Variants in GAS7 observed in about 807,000 individuals in gnomAD.
GAS7 encodes the protein growth arrest-specific protein 7.
In GAS7, 28 loss-of-function variants were observed where a neutral mutation model predicts 71.1. The ratio of observed to expected loss-of-function variants is 0.39; its 90% confidence interval spans 0.29 to 0.54. The LOEUF is 0.54. Among genes scored for constraint, GAS7 ranks in the 20% least tolerant of loss-of-function variants. The pLI is 0.62. For synonymous variants in GAS7, 258 were observed against 245.8 expected, an observed-to-expected ratio of 1.05 and a Z score of -0.46; for missense variants, 436 against 627.8, an observed-to-expected ratio of 0.69 and a Z score of 3.27.
At chr17:10,071,943 A>AT (rs916356333) in intron 1 of GAS7, among the ~76,000 whole-genome samples, 2 of 149,092 alleles carry the variant, frequency 1.3e-5, no homozygotes, top group Non-Finnish European at 3.0e-5. Context: ...TCTCAAGAAA[A>AT]AAAAAAAAAA....
chr17:10,023,887 G>A (rs1006623781), intron 1 of GAS7, among the ~76,000 whole-genome samples: 4 of 152,176 alleles, frequency 2.6e-5, no homozygotes, highest in Non-Finnish European at 5.9e-5. Context: ...ACTTTGGGAG[G>A]CCAAGGTGGG....
Position 9,915,787 on chromosome 17 carries a change from A to C in GAS7, c.*1441T>G, listed in dbSNP as rs2067567132. The C allele has an allele frequency of 4.3e-6, 1 of 231,398 alleles. No homozygotes were observed. The allele number at this position is 231,398 out of a possible 1,614,324, so 14.3% of individuals were successfully genotyped here. The stretch of plus-strand genomic sequence containing the variant: ...TGGATTTCCAGGGCATGGGCTCCCG[A>C]CTAGAATCTGCCCCTCGCTCATGCT... On this transcript the variant is annotated 3_prime_UTR_variant, in exon 14 of 14. Coordinates refer to ENST00000432992, the MANE Select transcript of GAS7 (RefSeq NM_201433.2).
chr17:9,940,473 C>T (rs1276318579), intron 7 of GAS7, among the ~76,000 whole-genome samples: 2 of 152,192 alleles, frequency 1.3e-5, no homozygotes, highest in East Asian at 1.9e-4. Context: ...CGAGAGCTGT[C>T]GTTTACACAG....
intron 1 of GAS7, among the ~76,000 whole-genome samples, chr17:10,135,239 T>A (rs1351695109): frequency 6.6e-6 from 1 of 152,220 alleles, no homozygotes; most frequent in Non-Finnish European, 1.5e-5. Context: ...AAAGAGGCAG[T>A]AATCCCCAGG....
rs908545521 is a variant in GAS7 at position 10,032,684 on chromosome 17, A to C, written c.184-12787T>G. Among the ~76,000 whole-genome samples, 25 of 152,364 alleles carry C rather than the reference A, an allele frequency of 1.6e-4. No individual in the cohort carries two copies. The Middle Eastern group carries it at 0.01, about 62-fold the overall frequency. On this transcript the variant is annotated intron_variant, in intron 1 of 13. Coordinates refer to ENST00000432992, the MANE Select transcript of GAS7 (RefSeq NM_201433.2). Reference sequence around the variant, plus strand: ...TTCCAAAAACAGCAGCCACATAAACAAAAGAGACGACAGAGGCCTGACAAG... The same window carrying C: ...TTCCAAAAACAGCAGCCACATAAACCAAAGAGACGACAGAGGCCTGACAAG...
At chr17:10,147,396 T>C (rs1448916641) in intron 1 of GAS7, among the ~76,000 whole-genome samples, 3 of 152,204 alleles carry the variant, frequency 2.0e-5, no homozygotes, top group Non-Finnish European at 2.9e-5. Flanking sequence ...ACTGCCTCTC[T>C]GAAATTTACA....
chr17:10,146,593 C>T (rs1433956716), intron 1 of GAS7, among the ~76,000 whole-genome samples: 1 of 152,136 alleles, frequency 6.6e-6, no homozygotes, highest in East Asian at 1.9e-4. Flanking sequence ...GGTTTAAACA[C>T]TCCCTCCAGG....
chr17:9,958,535 G>A (rs1056212447), intron 5 of GAS7, among the ~76,000 whole-genome samples: 2 of 152,028 alleles, frequency 1.3e-5, no homozygotes, highest in African/African-American at 2.4e-5. Flanking sequence ...GCAAACCTGC[G>A]ACCACACTTC....
intron 1 of GAS7, among the ~76,000 whole-genome samples, chr17:10,068,810 A>T (rs1229075271): frequency 1.3e-5 from 2 of 151,968 alleles, no homozygotes; most frequent in African/African-American, 2.4e-5. Flanking sequence ...TACAAAGCAA[A>T]ATCAGTGAAG....
At chr17:10,179,792 G>T (rs941329234) in intron 1 of GAS7, among the ~76,000 whole-genome samples, 10 of 152,090 alleles carry the variant, frequency 6.6e-5, no homozygotes, top group African/African-American at 2.4e-4. Context: ...AGAAAGACAA[G>T]GTCCCCACCC....
At chr17:9,938,470 C>CAAAAAA (rs34813185) in intron 8 of GAS7, among the ~76,000 whole-genome samples, 4 of 65,184 alleles carry the variant, frequency 6.1e-5, no homozygotes, top group Non-Finnish European at 8.5e-5. Flanking sequence ...GACTCTGTCT[C>CAAAAAA]AAAAAAAAAA....
chr17:9,992,298 A>G (rs1021875904), intron 2 of GAS7, among the ~76,000 whole-genome samples: 1 of 151,782 alleles, frequency 6.6e-6, no homozygotes, highest in Admixed American at 6.6e-5. Flanking sequence ...CGGCTTTGAC[A>G]TGGGTCTTTG....
intron 4 of GAS7, among the ~76,000 whole-genome samples, chr17:9,966,233 C>T (rs2069708880): frequency 6.6e-6 from 1 of 151,858 alleles, no homozygotes; most frequent in Non-Finnish European, 1.5e-5. Context: ...CTCCTGACCT[C>T]CTGATCTGCC....
chr17:9,984,980 G>T (rs2070586403), intron 2 of GAS7, among the ~76,000 whole-genome samples: 1 of 149,768 alleles, frequency 6.7e-6, no homozygotes, highest in Non-Finnish European at 1.5e-5. Flanking sequence ...CATCCACAGA[G>T]TCAAGACCGG....
In GAS7 at chr17:10,135,039, G is replaced by A. The variant is rs1006982720; in HGVS notation, c.183+63169C>T. On this transcript the variant is annotated intron_variant, in intron 1 of 13. Transcript: ENST00000432992. ...GTAGAGACGGGGTTTCACCATGTTGGCCAGGATGGTCTTGATGTCTTGACT... is the reference window on the plus strand; with the variant it reads ...GTAGAGACGGGGTTTCACCATGTTGACCAGGATGGTCTTGATGTCTTGACT... 4.6e-5 allele frequency among the ~76,000 whole-genome samples: 7 copies of A among 152,112 alleles called. No homozygotes were observed. The South Asian group carries it at 1.5e-3, about 32-fold the overall frequency.
At position 9,925,567 on chromosome 17, in the gene GAS7, G is replaced by T. The variant is rs1270710539; in HGVS notation, c.1047C>A (p.Asp349Glu). ...CCAGCTGCTGGGTCTTCATCTCCAGGTCTCTCTGCCGCTCTGTGAGGGCTT... is the reference window on the plus strand; with the variant it reads ...CCAGCTGCTGGGTCTTCATCTCCAGTTCTCTCTGCCGCTCTGTGAGGGCTT... Reference protein sequence around the residue: ...ARKALTERQRDLEMKTQQLEI... With the variant: ...ARKALTERQRELEMKTQQLEI... Residue 349 changes from aspartate to glutamate, a missense_variant, in exon 11 of 14, where the codon GAC becomes GAA. Transcript: ENST00000432992. The T allele has an allele frequency of 1.2e-6, 2 of 1,614,114 alleles. No homozygotes were observed. The highest frequency in any genetic ancestry group is 1.7e-6 in the Non-Finnish European group (2 of 1,179,994).
intron 1 of GAS7, among the ~76,000 whole-genome samples, chr17:10,076,444 C>G (rs9908472): frequency 0.079 from 5,646 of 71,676 alleles, 476 homozygotes; most frequent in African/African-American, 0.26. Context: ...GAGGGGGAGT[C>G]GGGGGAGGGA....
intron 1 of GAS7, among the ~76,000 whole-genome samples, chr17:10,138,934 GA>G (rs933852275): frequency 5.9e-5 from 9 of 151,962 alleles, no homozygotes; most frequent in African/African-American, 1.7e-4. Context: ...TTTCAAAAAT[GA>G]AAAAAATATA....
chr17:9,973,531 G>A lies in GAS7; in HGVS notation c.386-3769C>T, dbSNP rs553770001. ...AGCCTCCCAAAGTGCTGGGATTACC[G>A]GCATGAGCCACCGTGCTGTACTTAT... On this transcript the variant is annotated intron_variant, in intron 3 of 13. Transcript: ENST00000432992. Among the ~76,000 whole-genome samples, 17 of 152,312 alleles carry A rather than the reference G, an allele frequency of 1.1e-4. No individual in the cohort carries two copies. The East Asian group carries it at 2.9e-3, about 26-fold the overall frequency.
Sources: allele counts gnomAD v4.1 joint callset (sites outside exome capture counted in the v4.1 genomes callset), GRCh38; gene constraint gnomAD v4.1.1; transcripts MANE v1.5; gene names NCBI Gene and HGNC (gene_info 2026-07-23, HGNC 2026-07-21).